The following DEUP1 variants were observed in gnomAD, a reference collection of about 807,000 sequenced individuals.
DEUP1 encodes coiled-coil domain containing 67.
In DEUP1, 82 loss-of-function variants were observed where a neutral mutation model predicts 87.4. The observed-to-expected ratio is 0.94, with a 90% confidence interval of 0.78 to 1.13. DEUP1 has a LOEUF of 1.13. DEUP1 is among the 50% of genes most tolerant of loss of function. The pLI, the probability that DEUP1 is intolerant of heterozygous loss-of-function variation, is 0.00. For synonymous variants in DEUP1, 214 were observed against 222.7 expected (o/e 0.96, Z 0.35); for missense variants, 663 against 681.5 (o/e 0.97, Z 0.30).
chr11:93,378,731 AG>A (rs1482774707), intron 7 of DEUP1, among the ~76,000 whole-genome samples: 1 of 152,088 alleles, frequency 6.6e-6, no homozygotes, highest in Non-Finnish European at 1.5e-5. Flanking sequence ...CTGGGGCTCA[AG>A]GGCTGTTGTT....
At chr11:93,372,570 T>A (rs1282992413) in intron 7 of DEUP1, among the ~76,000 whole-genome samples, 1 of 152,168 alleles carries the variant, frequency 6.6e-6, no homozygotes, top group African/African-American at 2.4e-5. Context: ...TTAACTTCTT[T>A]CTCTGCCAGC....
rs529962745 is a variant in DEUP1, at chr11:93,369,670, G to A, written c.433-403G>A. On this transcript the variant is annotated intron_variant, in intron 5 of 13. Coordinates refer to ENST00000298050, the MANE Select transcript of DEUP1 (RefSeq NM_181645.4). ...TTTACGGCCGGGCGCGGTGGCTCAC[G>A]CCTGTAATCCCAGCACTTTGGGAGG... Among the ~76,000 whole-genome samples the A allele has an allele frequency of 1.5e-4, 8 of 52,436 alleles. 3 individuals are homozygous for A. The highest frequency in any genetic ancestry group is 3.0e-4 in the Non-Finnish European group (8 of 26,498). The allele number at this position is 52,436 out of a possible 152,430, so 34.4% of individuals were successfully genotyped here. A position where few individuals can be genotyped will look rare whatever the true frequency, so the allele number is the denominator to read the frequency against.
At chr11:93,342,730 G>A (rs74535966) in intron 2 of DEUP1, among the ~76,000 whole-genome samples, 1,653 of 152,242 alleles carry the variant, frequency 0.011, 34 homozygotes, top group African/African-American at 0.038. Context: ...ATAGATATTG[G>A]GTAGGAAACT....
intron 7 of DEUP1, among the ~76,000 whole-genome samples, chr11:93,382,982 A>G (rs1226239796): frequency 6.6e-6 from 1 of 152,142 alleles, no homozygotes; most frequent in Admixed American, 6.6e-5. Flanking sequence ...TAATGCTACT[A>G]TGCCCCTCAC....
chr11:93,341,778 G>C (rs1218343450), intron 2 of DEUP1, among the ~76,000 whole-genome samples: 1 of 152,078 alleles, frequency 6.6e-6, no homozygotes, highest in Non-Finnish European at 1.5e-5. Context: ...CCACAAATTT[G>C]GTAGCTTAAA....
intron 5 of DEUP1, among the ~76,000 whole-genome samples, chr11:93,366,580 A>G (rs775774408): frequency 2.6e-5 from 4 of 152,156 alleles, no homozygotes; most frequent in African/African-American, 4.8e-5. Flanking sequence ...GTTCCATACT[A>G]TTGGATATAT....
At chr11:93,352,659 T>C in intron 2 of DEUP1, 2 of 542,690 alleles carry the variant, frequency 3.7e-6, no homozygotes, top group Non-Finnish European at 6.5e-6. Context: ...CTTACAGTTC[T>C]ACATAGCTGG....
At chr11:93,375,033 T>C (rs1380437517) in intron 7 of DEUP1, among the ~76,000 whole-genome samples, 5 of 139,382 alleles carry the variant, frequency 3.6e-5, no homozygotes, top group Non-Finnish European at 7.8e-5. Context: ...CTTTTTCTTT[T>C]CTTTTTTTTT....
At chr11:93,379,904 A>G (rs940354144) in intron 7 of DEUP1, among the ~76,000 whole-genome samples, 1 of 152,244 alleles carries the variant, frequency 6.6e-6, no homozygotes, top group Non-Finnish European at 1.5e-5. Context: ...CCAGCTACTC[A>G]TAGAAGTCAA....
intron 4 of DEUP1, among the ~76,000 whole-genome samples, chr11:93,357,632 G>A (rs890269758): frequency 2.0e-5 from 3 of 152,092 alleles, no homozygotes; most frequent in African/African-American, 7.2e-5. Flanking sequence ...AATCATTTGA[G>A]TATGTCAAAT....
Position 93,371,030 on chromosome 11 carries a change from T to C in DEUP1, c.547-8T>C. 6.2e-7 allele frequency: 1 copy of C among 1,604,540 alleles called. No homozygotes were observed. The highest frequency in any genetic ancestry group is 8.5e-7 in the Non-Finnish European group (1 of 1,174,870). On this transcript the variant is annotated splice_region_variant and splice_polypyrimidine_tract_variant and intron_variant, in intron 6 of 13. Transcript: ENST00000298050. ...TCATTTGAGTTACACAGTTTTTATATTTTTCAGAAACAGGCACAAAGTTAC... is the reference window on the plus strand; with the variant it reads ...TCATTTGAGTTACACAGTTTTTATACTTTTCAGAAACAGGCACAAAGTTAC...
chr11:93,372,484 T>C (rs1945789310), intron 7 of DEUP1, among the ~76,000 whole-genome samples: 2 of 152,164 alleles, frequency 1.3e-5, no homozygotes, highest in Non-Finnish European at 2.9e-5. Context: ...CCCAGGGTCA[T>C]TTCTTAGTCC....
At chr11:93,416,325 T>G (rs527528813) in intron 13 of DEUP1, among the ~76,000 whole-genome samples, 2 of 151,602 alleles carry the variant, frequency 1.3e-5, no homozygotes, top group East Asian at 1.9e-4. Context: ...ATCAAATAGA[T>G]GCAATAAAAA....
chr11:93,349,904 T>C (rs1944544922), intron 2 of DEUP1, among the ~76,000 whole-genome samples: 1 of 151,540 alleles, frequency 6.6e-6, no homozygotes, highest in Non-Finnish European at 1.5e-5. Flanking sequence ...GGCAGAGGAG[T>C]GGGAAAGCTT....
intron 2 of DEUP1, among the ~76,000 whole-genome samples, chr11:93,340,674 G>A (rs1223993595): frequency 6.6e-6 from 1 of 152,232 alleles, no homozygotes; most frequent in Non-Finnish European, 1.5e-5. Context: ...TGTAGACATA[G>A]TGACAAATGG....
chr11:93,346,722 G>T (rs567643794), intron 2 of DEUP1, among the ~76,000 whole-genome samples: 1 of 152,134 alleles, frequency 6.6e-6, no homozygotes, highest in African/African-American at 2.4e-5. Flanking sequence ...GTTTCTTTGA[G>T]CAGTGTTTTG....
chr11:93,416,026 C>A (rs1296249758), intron 13 of DEUP1, among the ~76,000 whole-genome samples: 1 of 151,874 alleles, frequency 6.6e-6, no homozygotes, highest in Non-Finnish European at 1.5e-5. Context: ...AATGGAATAC[C>A]GAGGTCATAG....
At chr11:93,378,682 G>T (rs1946152571) in intron 7 of DEUP1, among the ~76,000 whole-genome samples, 1 of 150,628 alleles carries the variant, frequency 6.6e-6, no homozygotes. Context: ...TGTTTTTCTG[G>T]TTCCTTCTTA....
intron 2 of DEUP1, among the ~76,000 whole-genome samples, chr11:93,340,161 G>A (rs920618513): frequency 3.3e-5 from 5 of 152,122 alleles, no homozygotes; most frequent in Non-Finnish European, 5.9e-5. Context: ...TATGTTGGGG[G>A]TGGTAATAAT....
Sources: allele counts gnomAD v4.1 joint callset (sites outside exome capture counted in the v4.1 genomes callset), GRCh38; gene constraint gnomAD v4.1.1; transcripts MANE v1.5; gene names NCBI Gene and HGNC (gene_info 2026-07-23, HGNC 2026-07-21).